Variants in HMGCLL1 observed in about 807,000 individuals in gnomAD.
The protein encoded by HMGCLL1 is 3-hydroxy-3-methylglutaryl-CoA lyase like 1, also known as 3-hydroxymethyl-3-methylglutaryl-CoA lyase, cytoplasmic.
In HMGCLL1, 36 loss-of-function variants were observed where a neutral mutation model predicts 39.1. That is an observed-to-expected ratio of 0.92 (90% CI 0.71 to 1.22). The LOEUF (loss-of-function observed/expected upper bound fraction) is 1.22, where lower values mean the gene tolerates loss of function less well. HMGCLL1 is among the 50% of genes most tolerant of loss of function. HMGCLL1 has a pLI of 0.00. For synonymous variants in HMGCLL1, 149 were observed against 144.0 expected, an observed-to-expected ratio of 1.03 and a Z score of -0.25; for missense variants, 451 against 416.5, an observed-to-expected ratio of 1.08 and a Z score of -0.72.
At chr6:55,445,678 ATGTC>A (rs1763798434) in intron 7 of HMGCLL1, among the ~76,000 whole-genome samples, 2 of 152,006 alleles carry the variant, frequency 1.3e-5, no homozygotes, top group African/African-American at 2.4e-5. Flanking sequence ...GTGTGACTGT[ATGTC>A]TGTGTGTGTG....
the HMGCLL1 span, among the ~76,000 whole-genome samples, chr6:55,593,874 C>T: frequency 1.3e-5 from 2 of 152,088 alleles, no homozygotes; most frequent in African/African-American, 4.8e-5. Flanking sequence ...ATCAGAACCA[C>T]GGAGAGGTAA....
intron 3 of HMGCLL1, among the ~76,000 whole-genome samples, chr6:55,533,440 C>A (rs2127450110): frequency 6.6e-6 from 1 of 152,198 alleles, no homozygotes; most frequent in Middle Eastern, 3.4e-3. Context: ...CAACAAAAAT[C>A]TAATTGCTAC....
the HMGCLL1 span, among the ~76,000 whole-genome samples, chr6:55,662,419 T>C: frequency 1.3e-5 from 2 of 151,902 alleles, no homozygotes; most frequent in Non-Finnish European, 2.9e-5. Flanking sequence ...CTGAAAGTCT[T>C]TTCTAAGTCT....
intron 3 of HMGCLL1, among the ~76,000 whole-genome samples, chr6:55,535,804 G>T (rs1156311236): frequency 2.0e-5 from 3 of 152,128 alleles, no homozygotes; most frequent in African/African-American, 7.2e-5. Flanking sequence ...TTTTCTGAAT[G>T]AACTGTACCT....
intron 3 of HMGCLL1, among the ~76,000 whole-genome samples, chr6:55,540,454 G>A (rs1393257627): frequency 2.6e-5 from 4 of 152,066 alleles, no homozygotes; most frequent in Non-Finnish European, 4.4e-5. Context: ...ACATGAGTGT[G>A]CTCCCTGTCT....
chr6:55,583,553 C>A (rs570276127), upstream of HMGCLL1, among the ~76,000 whole-genome samples: 131 of 152,146 alleles, frequency 8.6e-4, no homozygotes, highest in Admixed American at 1.7e-3. Context: ...GCATAGTATT[C>A]CATGGTGTAT....
At chr6:55,538,296 C>T (rs760987533) in intron 3 of HMGCLL1, among the ~76,000 whole-genome samples, 2 of 152,158 alleles carry the variant, frequency 1.3e-5, no homozygotes, top group Non-Finnish European at 2.9e-5. Context: ...GGTCAATATT[C>T]ATCAAATAAT....
upstream of HMGCLL1, among the ~76,000 whole-genome samples, chr6:55,583,879 T>G (rs9475353): frequency 3.3e-5 from 5 of 152,120 alleles, no homozygotes; most frequent in African/African-American, 1.2e-4. Context: ...GAACTTAAAA[T>G]CATGCATGAT....
chr6:55,455,571 A>G (rs1197451484), intron 7 of HMGCLL1, among the ~76,000 whole-genome samples: 1 of 152,228 alleles, frequency 6.6e-6, no homozygotes, highest in Non-Finnish European at 1.5e-5. Context: ...TTTGCCTTGG[A>G]AAAGGCTGAG....
At chr6:55,486,654 A>C (rs1475057331) in intron 7 of HMGCLL1, among the ~76,000 whole-genome samples, 1 of 152,022 alleles carries the variant, frequency 6.6e-6, no homozygotes, top group Non-Finnish European at 1.5e-5. Flanking sequence ...TATCACCGTC[A>C]CCTTACATAC....
At position 55,541,756 on chromosome 6, in the gene HMGCLL1, G is replaced by A; in HGVS notation, c.270C>T (p.Ser90=). The change falls in exon 3 of 9, where the codon AGC becomes AGT. Residue 90 remains serine (S), a synonymous_variant. Coordinates refer to ENST00000274901, the MANE Select transcript of HMGCLL1 (RefSeq NM_001042406.2). ...GTGGTACCCATCTGGAAGACACAAAGCTAGTCACTTCTATTACAGACAAGC... is the reference window on the plus strand; with the variant it reads ...GTGGTACCCATCTGGAAGACACAAAACTAGTCACTTCTATTACAGACAAGC... ...QTGLSVIEVT[S]FVSSRWVPQM... 1.2e-6 allele frequency: 2 copies of A among 1,603,124 alleles called. No individual in the cohort carries two copies.
intron 7 of HMGCLL1, among the ~76,000 whole-genome samples, chr6:55,459,245 A>G (rs1005396418): frequency 2.0e-5 from 3 of 152,290 alleles, no homozygotes; most frequent in Admixed American, 6.5e-5. Context: ...ACTCAAAACA[A>G]CTTAGAATCT....
chr6:55,435,688 C>T lies in HMGCLL1; in HGVS notation c.997G>A (p.Val333Ile). 4 of 1,604,466 alleles carry T rather than the reference C, an allele frequency of 2.5e-6. No individual in the cohort carries two copies. Among genetic ancestry groups the T allele is most frequent in the Non-Finnish European group, 3.4e-6 (4 of 1,173,698 alleles). Residue 333 changes from valine (V) to isoleucine (I), a missense_variant, in exon 9 of 9, where the codon GTA becomes ATA. By Grantham distance (29) the Val-to-Ile change is conservative. Coordinates refer to ENST00000274901, the MANE Select transcript of HMGCLL1 (RefSeq NM_001042406.2). ...KAVNKTTNSKVAQASFNA is the reference protein window; with the variant it reads ...KAVNKTTNSKIAQASFNA ...CAAGCATTGAAGGAGGCTTGTGCTA[C>T]TTTAGAGTTTGTGGTTTTATTCACA...
the HMGCLL1 span, among the ~76,000 whole-genome samples, chr6:55,658,425 A>G: frequency 6.6e-6 from 1 of 151,940 alleles, no homozygotes; most frequent in African/African-American, 2.4e-5. Flanking sequence ...CCCCCAACCC[A>G]GTGCAAACAC....
chr6:55,577,308 A>C, intron 1 of HMGCLL1: 2 of 1,229,150 alleles, frequency 1.6e-6, no homozygotes, highest in Non-Finnish European at 2.2e-6. Flanking sequence ...AGAACACAAA[A>C]AGAAGCATAA....
chr6:55,569,923 C>T (rs1213734069), intron 1 of HMGCLL1, among the ~76,000 whole-genome samples: 1 of 152,070 alleles, frequency 6.6e-6, no homozygotes, highest in Non-Finnish European at 1.5e-5. Flanking sequence ...TTAAGCTTTC[C>T]TTCAAAAGTG....
Position 55,456,757 on chromosome 6 carries a change from G to A in HMGCLL1, c.796-17198C>T, listed in dbSNP as rs572812855. Among the ~76,000 whole-genome samples, 421 of 152,284 alleles carry A rather than the reference G, an allele frequency of 2.8e-3. 1 individual carries two copies. The highest frequency in any genetic ancestry group is 8.4e-3 in the African/African-American group (350 of 41,576). On this transcript the variant is annotated intron_variant, in intron 7 of 8. Transcript: ENST00000274901. ...TTCCAGCTCTCTCACAGTGACTCTGGATGCTGGGCTCCAGTAACACTGCTT... is the reference window on the plus strand; with the variant it reads ...TTCCAGCTCTCTCACAGTGACTCTGAATGCTGGGCTCCAGTAACACTGCTT...
the HMGCLL1 span, among the ~76,000 whole-genome samples, chr6:55,667,199 T>A: frequency 6.6e-6 from 1 of 151,770 alleles, no homozygotes; most frequent in African/African-American, 2.4e-5. Context: ...AAAGAGTGCA[T>A]CACAAATCAC....
chr6:55,542,170 C>T lies in HMGCLL1; in HGVS notation c.109-30G>A, dbSNP rs143872373. On this transcript the variant is annotated intron_variant, in intron 1 of 8. Coordinates refer to ENST00000274901, the MANE Select transcript of HMGCLL1 (RefSeq NM_001042406.2). ...AATGCAAAATGTAAGAACAAGATAA[C>T]GTAACTTTTAGATTGTTACATTTGC... The T allele has an allele frequency of 1.5e-4, 214 of 1,458,182 alleles. No homozygotes were observed. The East Asian group carries it at 3.7e-3, about 25-fold the overall frequency. 90.3% of individuals were successfully genotyped at this position (1,458,182 alleles called of 1,614,324 possible).
Sources: allele counts gnomAD v4.1 joint callset (sites outside exome capture counted in the v4.1 genomes callset), GRCh38; gene constraint gnomAD v4.1.1; transcripts MANE v1.5; gene names NCBI Gene and HGNC (gene_info 2026-07-23, HGNC 2026-07-21).